The following CFAP210 variants were observed in gnomAD, a reference collection of about 807,000 sequenced individuals.
CFAP210 encodes the protein cilia and flagella associated protein 210, also known as cilia- and flagella- associated protein 210.
chr2:169,675,760 T>C, the CFAP210 span, among the ~76,000 whole-genome samples: 1,424 of 152,318 alleles, frequency 9.3e-3, 30 homozygotes, highest in African/African-American at 0.033. Context: ...TATTAGTTTC[T>C]TTTGTCTACT....
At chr2:169,682,426 T>C in the CFAP210 span, among the ~76,000 whole-genome samples, 4 of 152,180 alleles carry the variant, frequency 2.6e-5, no homozygotes, top group Non-Finnish European at 4.4e-5. Context: ...TTTACTTGAA[T>C]ACTTGAATCT....
At chr2:169,683,796 T>G in the CFAP210 span, among the ~76,000 whole-genome samples, 1 of 152,122 alleles carries the variant, frequency 6.6e-6, no homozygotes, top group Non-Finnish European at 1.5e-5. Context: ...ATAGATCTTT[T>G]CATGGACTCT....
chr2:169,666,103 T>G, the CFAP210 span, among the ~76,000 whole-genome samples: 1 of 152,116 alleles, frequency 6.6e-6, no homozygotes, highest in African/African-American at 2.4e-5. Context: ...ACCTTCTCTA[T>G]GTCTAAAACC....
chr2:169,694,192 C>G, the CFAP210 span: 1 of 1,487,864 alleles, frequency 6.7e-7, no homozygotes, highest in Non-Finnish European at 9.4e-7. Flanking sequence ...CATTCGGCAT[C>G]CTCGCCTCTC....
chr2:169,679,946 T>C, the CFAP210 span, among the ~76,000 whole-genome samples: 1 of 152,144 alleles, frequency 6.6e-6, no homozygotes, highest in East Asian at 1.9e-4. Flanking sequence ...AACTTTTGCT[T>C]TTCAAAAGAC....
the CFAP210 span, chr2:169,694,385 T>C: frequency 1.5e-5 from 24 of 1,554,462 alleles, no homozygotes; most frequent in East Asian, 4.9e-4. Context: ...CGCCAGCCGG[T>C]GGAGTTGTTA....
At chr2:169,661,333 A>C in the CFAP210 span, 1 of 450,486 alleles carries the variant, frequency 2.2e-6, no homozygotes, top group African/African-American at 2.1e-5. Context: ...TTTCCTTTTC[A>C]GATTCTGTAG....
At chr2:169,667,358 C>A in the CFAP210 span, among the ~76,000 whole-genome samples, 1 of 151,950 alleles carries the variant, frequency 6.6e-6, no homozygotes, top group East Asian at 1.9e-4. Context: ...AGGCTGGTCT[C>A]GAACTCCTGA....
At chr2:169,667,308 T>G in the CFAP210 span, among the ~76,000 whole-genome samples, 1 of 151,936 alleles carries the variant, frequency 6.6e-6, no homozygotes, top group East Asian at 1.9e-4. Flanking sequence ...CTGGCTAATT[T>G]TTGTATTTTT....
the CFAP210 span, among the ~76,000 whole-genome samples, chr2:169,665,476 ATT>A: frequency 1.7e-4 from 25 of 148,922 alleles, no homozygotes; most frequent in Non-Finnish European, 3.3e-4. Context: ...AATTCCAGCT[ATT>A]TTTTTTTTTT....
At chr2:169,653,030 ATATAT>A in the CFAP210 span, among the ~76,000 whole-genome samples, 88 of 9,052 alleles carry the variant, frequency 9.7e-3, 1 homozygote, top group Admixed American at 0.017. Context: ...AAAAAAAAAA[ATATAT>A]ATATATATAT....
chr2:169,689,880 T>G, the CFAP210 span, among the ~76,000 whole-genome samples: 25 of 152,236 alleles, frequency 1.6e-4, no homozygotes, highest in African/African-American at 5.8e-4. Context: ...ATTTACACAG[T>G]GTACTACATT....
chr2:169,694,362 C>T, the CFAP210 span: 2 of 1,601,962 alleles, frequency 1.2e-6, no homozygotes, highest in Non-Finnish European at 8.6e-7. Flanking sequence ...ACTGTGGCGC[C>T]AAGCGCCGCG....
chr2:169,691,576 C>G, the CFAP210 span, among the ~76,000 whole-genome samples: 1 of 152,128 alleles, frequency 6.6e-6, no homozygotes, highest in South Asian at 2.1e-4. Context: ...ACAAAATGGC[C>G]AGACTTCCAC....
chr2:169,674,637 G>A, the CFAP210 span: 2 of 1,608,874 alleles, frequency 1.2e-6, no homozygotes, highest in African/African-American at 1.3e-5. Context: ...GCTTTTTCTT[G>A]TTCTTCTTTA....
At chr2:169,688,759 G>C in the CFAP210 span, among the ~76,000 whole-genome samples, 5 of 152,140 alleles carry the variant, frequency 3.3e-5, no homozygotes, top group Non-Finnish European at 5.9e-5. Flanking sequence ...CAAGTCTCTA[G>C]GAAGTTCCAA....
chr2:169,656,299 GGAAGAGGAA>G, the CFAP210 span, among the ~76,000 whole-genome samples: 3 of 150,794 alleles, frequency 2.0e-5, no homozygotes, highest in South Asian at 2.1e-4. Flanking sequence ...CAAAAAAAGA[GGAAGAGGAA>G]GAAGAGGAAG....
the CFAP210 span, among the ~76,000 whole-genome samples, chr2:169,646,424 T>C: frequency 6.6e-6 from 1 of 152,132 alleles, no homozygotes; most frequent in African/African-American, 2.4e-5. Flanking sequence ...CACAGTGAAA[T>C]AGCGAAAATT....
chr2:169,654,799 A>G, the CFAP210 span, among the ~76,000 whole-genome samples: 1 of 152,068 alleles, frequency 6.6e-6, no homozygotes, highest in Non-Finnish European at 1.5e-5. Flanking sequence ...TATATAATAT[A>G]AAGTTCATTT....
Sources: gnomAD v4.1 joint callset for allele counts (sites outside exome capture counted in the v4.1 genomes callset) on GRCh38, gnomAD v4.1.1 for gene constraint, MANE v1.5 for transcripts, NCBI Gene and HGNC (gene_info 2026-07-23, HGNC 2026-07-21) for gene names.